The following NR1I3 variants were observed in gnomAD, a reference collection of about 807,000 sequenced individuals.
The protein encoded by NR1I3 is constitutive activator of retinoid response.
NR1I3 carries 30 observed loss-of-function variants against 38.4 expected under a neutral mutation model. That is an observed-to-expected ratio of 0.78 (90% CI 0.58 to 1.06). The LOEUF is 1.06. Ranked by LOEUF, NR1I3 falls within the 50% of genes least tolerant of loss-of-function variation. NR1I3 has a pLI of 0.00. For synonymous variants in NR1I3, 143 were observed against 165.1 expected (o/e 0.87, Z 1.03); for missense variants, 388 against 435.7 (o/e 0.89, Z 0.97).
chr1:161,232,929 G>C lies in NR1I3; in HGVS notation c.426C>G (p.Phe142Leu). ...FVQFRPPAHL[F>L]IHHQPLPTLA... ...GGGTGGGCAAGGGCTGGTGATGGAT[G>C]AACAGATGAGCTGGAGGCTGCAATG... is the stretch of plus-strand genomic sequence containing the variant. The change falls in exon 5 of 9, where the codon TTC (phenylalanine) becomes TTG (leucine). Residue 142 changes from phenylalanine to leucine, a missense_variant. Transcript: ENST00000367983. 6.2e-7 allele frequency: 1 copy of C among 1,614,226 alleles called. No individual in the cohort carries two copies. Among genetic ancestry groups the C allele is most frequent in the South Asian group, 1.1e-5 (1 of 91,082 alleles).
intron 7 of NR1I3, 95 bp downstream of exon 7, chr1:161,231,022 G>A (rs763170507): frequency 6.2e-7 from 1 of 1,612,552 alleles, no homozygotes; most frequent in Non-Finnish European, 8.5e-7. Context: ...AGGTTTGATA[G>A]CTAGGCTAGA....
At chr1:161,230,725 A>C (rs948780489) in intron 8 of NR1I3, 88 bp downstream of exon 8, 6 of 1,568,340 alleles carry the variant, frequency 3.8e-6, no homozygotes, top group Non-Finnish European at 5.2e-6. Flanking sequence ...AGGAAAGGAC[A>C]GTAAAAAAAC....
chr1:161,235,256 G>GTATC (rs1668341059), intron 3 of NR1I3: 1 of 80,148 alleles, frequency 1.2e-5, no homozygotes, highest in East Asian at 4.4e-4. Context: ...TGCGCTTGGT[G>GTATC]TTTTTTTTTT....
intron 2 of NR1I3, 154 bp downstream of exon 2, chr1:161,236,305 T>A: frequency 1.1e-6 from 1 of 870,182 alleles, no homozygotes; most frequent in South Asian, 1.7e-5. Flanking sequence ...AGTGATGTGT[T>A]TGGCAAGATG....
At position 161,229,698 on chromosome 1, in the gene NR1I3, G is replaced by A. The variant is rs1481043964; in HGVS notation, c.*99C>T. The A allele has an allele frequency of 6.2e-7, 1 of 1,614,076 alleles. No homozygotes were observed. The highest frequency in any genetic ancestry group is 1.1e-5 in the South Asian group (1 of 91,080). Reference sequence around the variant, plus strand: ...TTTAGTCTTTCATTGCAACCACTGGGCTCCCTTTGAACCCGGCCCAATCTT... The same window carrying A: ...TTTAGTCTTTCATTGCAACCACTGGACTCCCTTTGAACCCGGCCCAATCTT... On this transcript the variant is annotated 3_prime_UTR_variant, in exon 9 of 9. Coordinates refer to ENST00000367983, the MANE Select transcript of NR1I3 (RefSeq NM_005122.5).
rs1347981785 is a variant in NR1I3 at position 161,231,320 on chromosome 1, C to T, written c.694+9G>A. The T allele has an allele frequency of 3.3e-5, 52 of 1,590,250 alleles. No individual in the cohort carries two copies. The highest frequency in any genetic ancestry group is 4.2e-5 in the Non-Finnish European group (49 of 1,168,450). Reference sequence around the variant, plus strand: ...ACACATGCCCCCTATTGCTCTAGCACCATCTCACCACGGGCTCCATCTTCA... The same window carrying T: ...ACACATGCCCCCTATTGCTCTAGCATCATCTCACCACGGGCTCCATCTTCA... On this transcript the variant is annotated intron_variant, in intron 6 of 8. Coordinates refer to ENST00000367983, the MANE Select transcript of NR1I3 (RefSeq NM_005122.5).
chr1:161,235,784 T>C, intron 3 of NR1I3, 63 bp downstream of exon 3: 4 of 1,607,794 alleles, frequency 2.5e-6, no homozygotes, highest in Admixed American at 3.3e-5. Context: ...GAATGCACTG[T>C]TGGGAACAAG....
At chr1:161,237,494 C>T (rs1474397898) in intron 1 of NR1I3, among the ~76,000 whole-genome samples, 1 of 151,514 alleles carries the variant, frequency 6.6e-6, no homozygotes, top group African/African-American at 2.4e-5. Context: ...CCGAGGTGGG[C>T]GGATCACCAG....
At chr1:161,234,495 G>C (rs1668172026) in intron 3 of NR1I3, among the ~76,000 whole-genome samples, 1 of 152,192 alleles carries the variant, frequency 6.6e-6, no homozygotes, top group Non-Finnish European at 1.5e-5. Context: ...TCCATAGTGA[G>C]AATCGTGTGA....
chr1:161,235,018 G>A (rs1380413456), intron 3 of NR1I3, among the ~76,000 whole-genome samples: 3 of 152,030 alleles, frequency 2.0e-5, no homozygotes, highest in African/African-American at 7.2e-5. Context: ...GCACATGCCT[G>A]TAATCCCAGC....
chr1:161,237,383 T>C (rs755169840), intron 1 of NR1I3, among the ~76,000 whole-genome samples: 2 of 151,814 alleles, frequency 1.3e-5, no homozygotes, highest in African/African-American at 2.4e-5. Flanking sequence ...TTTTTATTTT[T>C]AGTAGAGATG....
In NR1I3 at chr1:161,230,886, C is replaced by T; in HGVS notation, c.844G>A (p.Asp282Asn). 1 of 1,614,144 alleles carries T rather than the reference C, an allele frequency of 6.2e-7. No homozygotes were observed. The highest frequency in any genetic ancestry group is 8.5e-7 in the Non-Finnish European group (1 of 1,180,036). The stretch of plus-strand genomic sequence containing the variant: ...AGTGCCATCTCCTCTTGCAGCTGAT[C>T]AATCTCATCTCTCTGGGTAACTCCA... The part of the protein sequence containing the change: ...RPGVTQRDEI[D>N]QLQEEMALTL... The change falls in exon 8 of 9, where the codon GAT becomes AAT. Residue 282 changes from aspartate (D) to asparagine (N), a missense_variant. Coordinates refer to ENST00000367983, the MANE Select transcript of NR1I3 (RefSeq NM_005122.5).
Position 161,232,951 on chromosome 1 carries a change from A to T in NR1I3, c.409-5T>A, listed in dbSNP as rs1208971773. The T allele has an allele frequency of 1.2e-5, 19 of 1,614,054 alleles. No individual in the cohort carries two copies. The highest frequency in any genetic ancestry group is 1.5e-5 in the Non-Finnish European group (18 of 1,180,036). On this transcript the variant is annotated splice_region_variant and splice_polypyrimidine_tract_variant and intron_variant, in intron 4 of 8. Transcript: ENST00000367983. ...GATGAACAGATGAGCTGGAGGCTGC[A>T]ATGATCAGAACATTAGCTAGAGGCT... is the stretch of plus-strand genomic sequence containing the variant.
At chr1:161,230,270 A>T in intron 8 of NR1I3, 1 of 322,486 alleles carries the variant, frequency 3.1e-6, no homozygotes, top group East Asian at 7.2e-5. Context: ...GTTCTATGGT[A>T]TAAAGCATCC....
At chr1:161,234,013 G>A (rs1668042823) in intron 3 of NR1I3, among the ~76,000 whole-genome samples, 1 of 151,502 alleles carries the variant, frequency 6.6e-6, no homozygotes, top group Admixed American at 6.6e-5. Flanking sequence ...GTTTTGAGAT[G>A]GAGTCTGTCA....
At chr1:161,236,231 A>T (rs1668582558) in intron 2 of NR1I3, 3 of 647,830 alleles carry the variant, frequency 4.6e-6, no homozygotes, top group Non-Finnish European at 7.9e-6. Context: ...AATGCTCTTG[A>T]CTAATGGGCT....
chr1:161,236,397 A>G (rs1342696716), intron 2 of NR1I3, 62 bp downstream of exon 2: 4 of 1,600,014 alleles, frequency 2.5e-6, no homozygotes, highest in East Asian at 2.2e-5. Context: ...GCGAGGGTGT[A>G]AAGGCTGACT....
chr1:161,233,786 A>C (rs1312187134), intron 3 of NR1I3, among the ~76,000 whole-genome samples: 2 of 150,576 alleles, frequency 1.3e-5, no homozygotes, highest in South Asian at 2.1e-4. Flanking sequence ...GTTAAATCCC[A>C]CTGAATGAAA....
Position 161,231,482 on chromosome 1 carries a change from AAGC to A in NR1I3, c.549-11_549-9del. 2 of 1,575,476 alleles carry A rather than the reference AAGC, an allele frequency of 1.3e-6. No homozygotes were observed. The highest frequency in any genetic ancestry group is 1.7e-6 in the Non-Finnish European group (2 of 1,170,934). On this transcript the variant is annotated splice_polypyrimidine_tract_variant and intron_variant, in intron 5 of 8. Transcript: ENST00000367983. Reference sequence around the variant, plus strand: ...TCTTCAATGGGCAGGGAACTGTGGAAAGCAGGAAACAAGGACACTTTTCAATTT... The same window carrying A: ...TCTTCAATGGGCAGGGAACTGTGGAAAGGAAACAAGGACACTTTTCAATTT...
Sources: gnomAD v4.1 joint callset for allele counts (sites outside exome capture counted in the v4.1 genomes callset) on GRCh38, gnomAD v4.1.1 for gene constraint, MANE v1.5 for transcripts, NCBI Gene and HGNC (gene_info 2026-07-23, HGNC 2026-07-21) for gene names.